Variants in TMEM41B observed in about 807,000 individuals in gnomAD.
TMEM41B encodes protein stasimon.
A neutral mutation model predicts 31.9 loss-of-function variants in TMEM41B; 18 were observed. The observed-to-expected ratio is 0.56, with a 90% CI of 0.39 to 0.84. The LOEUF is 0.84. Ranked by LOEUF, TMEM41B falls within the 40% of genes least tolerant of loss-of-function variation. The probability of loss-of-function intolerance (pLI) is 0.00; values close to 1 mark genes in which losing one functional copy is unlikely to be tolerated. For synonymous variants in TMEM41B, 144 were observed against 124.3 expected, an observed-to-expected ratio of 1.16 and a Z score of -1.05; for missense variants, 322 against 348.0, an observed-to-expected ratio of 0.93 and a Z score of 0.59.
intron 3 of TMEM41B, 58 bp from the exon 4 acceptor site, chr11:9,288,593 T>C (rs1305787067): frequency 8.0e-7 from 1 of 1,255,692 alleles, no homozygotes; most frequent in Admixed American, 2.5e-5. Context: ...AAAAGACAAA[T>C]GTAACATTTC....
intron 1 of TMEM41B, among the ~76,000 whole-genome samples, chr11:9,302,168 G>A (rs1390037697): frequency 1.4e-5 from 1 of 70,296 alleles, no homozygotes; most frequent in Non-Finnish European, 3.4e-5. Flanking sequence ...CACGATGCCC[G>A]GCTAATTTTT....
chr11:9,291,132 A>T (rs964242372), intron 3 of TMEM41B, among the ~76,000 whole-genome samples: 3 of 152,024 alleles, frequency 2.0e-5, no homozygotes, highest in Non-Finnish European at 4.4e-5. Flanking sequence ...AATAAAAATA[A>T]AAATAAGGCT....
At chr11:9,287,622 AGTTAATTCAT>A in intron 5 of TMEM41B, 70 bp downstream of exon 5, 1 of 883,006 alleles carries the variant, frequency 1.1e-6, no homozygotes, top group Non-Finnish European at 1.7e-6. Context: ...TAATACATGT[AGTTAATTCAT>A]GTAGGGACTA....
intron 1 of TMEM41B, among the ~76,000 whole-genome samples, chr11:9,313,980 C>T (rs1386560475): frequency 6.6e-6 from 1 of 152,216 alleles, no homozygotes; most frequent in Non-Finnish European, 1.5e-5. Context: ...GTTTCTTCAT[C>T]TGTAAAAACA....
intron 1 of TMEM41B, among the ~76,000 whole-genome samples, chr11:9,304,233 T>C (rs1212514014): frequency 6.6e-6 from 1 of 152,172 alleles, no homozygotes; most frequent in Non-Finnish European, 1.5e-5. Flanking sequence ...AGGTCAAACA[T>C]GAAAAGGTCT....
At chr11:9,292,856 C>A (rs2133619805) in intron 3 of TMEM41B, among the ~76,000 whole-genome samples, 1 of 152,162 alleles carries the variant, frequency 6.6e-6, no homozygotes, top group East Asian at 2.0e-4. Context: ...ATAGTAGCTG[C>A]ATCATTTTGC....
rs555460302 is a variant in TMEM41B, at chr11:9,306,420, C to T, written c.122-6719G>A. 1.5e-3 allele frequency among the ~76,000 whole-genome samples: 221 copies of T among 152,212 alleles called. 5 individuals carry two copies. In the Middle Eastern group the frequency reaches 0.017, roughly 12 times the overall value. On this transcript the variant is annotated intron_variant, in intron 1 of 6. Transcript: ENST00000528080. ...AGAATTCGCCGGGCATGGCGGCTCACGCCTGTAATCCCAGCACTTTGGGAG... is the reference window on the plus strand; with the variant it reads ...AGAATTCGCCGGGCATGGCGGCTCATGCCTGTAATCCCAGCACTTTGGGAG...
At chr11:9,296,603 C>CAAAAAAAAAAAA in intron 2 of TMEM41B, among the ~76,000 whole-genome samples, 1 of 118,902 alleles carries the variant, frequency 8.4e-6, no homozygotes, top group Non-Finnish European at 1.7e-5. Context: ...GACTCCGTCT[C>CAAAAAAAAAAAA]AAAAAAAAAA....
At chr11:9,311,538 T>C in intron 1 of TMEM41B, 1 of 1,299,364 alleles carries the variant, frequency 7.7e-7, no homozygotes, top group Non-Finnish European at 1.1e-6. Flanking sequence ...GAAAGCTGAA[T>C]TGCCTTGCGG....
chr11:9,285,485 G>A (rs1298008218), intron 6 of TMEM41B, among the ~76,000 whole-genome samples: 1 of 152,112 alleles, frequency 6.6e-6, no homozygotes, highest in Non-Finnish European at 1.5e-5. Flanking sequence ...TATTCAATAT[G>A]TAAGAAATCT....
At chr11:9,290,961 C>T (rs1362284960) in intron 3 of TMEM41B, among the ~76,000 whole-genome samples, 1 of 151,936 alleles carries the variant, frequency 6.6e-6, no homozygotes, top group East Asian at 1.9e-4. Flanking sequence ...AATAAAAATA[C>T]AAAAATTGGC....
At chr11:9,302,994 A>G (rs1853292942) in intron 1 of TMEM41B, among the ~76,000 whole-genome samples, 1 of 99,610 alleles carries the variant, frequency 1.0e-5, no homozygotes, top group South Asian at 3.1e-4. Flanking sequence ...GGAACCAAAT[A>G]ATGTGAAGTG....
At chr11:9,284,592 A>G (rs528049539) in intron 6 of TMEM41B, among the ~76,000 whole-genome samples, 13 of 152,142 alleles carry the variant, frequency 8.5e-5, no homozygotes, top group African/African-American at 2.2e-4. Flanking sequence ...ATGAAGCTCC[A>G]TCTCTACTAA....
intron 1 of TMEM41B, among the ~76,000 whole-genome samples, chr11:9,312,619 T>C (rs889262669): frequency 2.0e-5 from 3 of 152,156 alleles, no homozygotes; most frequent in Admixed American, 6.5e-5. Context: ...ATAAGAATAA[T>C]TGTAGGCCAG....
chr11:9,309,932 A>C (rs1375272781), intron 1 of TMEM41B, among the ~76,000 whole-genome samples: 2 of 151,552 alleles, frequency 1.3e-5, no homozygotes, highest in Non-Finnish European at 2.9e-5. Flanking sequence ...CAAAAAAAAA[A>C]ACAAAAGAAC....
chr11:9,306,627 A>G (rs1853404326), intron 1 of TMEM41B, among the ~76,000 whole-genome samples: 1 of 152,002 alleles, frequency 6.6e-6, no homozygotes, highest in Non-Finnish European at 1.5e-5. Flanking sequence ...CGGAGCTTGC[A>G]GTGAGCTGAG....
chr11:9,289,211 A>G (rs1426581583), intron 3 of TMEM41B, among the ~76,000 whole-genome samples: 1 of 152,076 alleles, frequency 6.6e-6, no homozygotes, highest in African/African-American at 2.4e-5. Flanking sequence ...TGCCCAGGCT[A>G]GTCTTGAACT....
At position 9,314,524 on chromosome 11, in the gene TMEM41B, A is replaced by T. The variant is rs4325312; in HGVS notation, c.-83T>A. The T allele has an allele frequency of 6.9e-7, 1 of 1,457,094 alleles. No homozygotes were observed. 90.3% of individuals were successfully genotyped at this position (1,457,094 alleles called of 1,614,324 possible). A position where few individuals can be genotyped will look rare whatever the true frequency, so the allele number is the denominator to read the frequency against. Reference sequence around the variant, plus strand: ...TGTTGCAGGCTCCTTACTACGCCGAAGCGCCACGGCTAGAGCCACTTCCGG... The same window carrying T: ...TGTTGCAGGCTCCTTACTACGCCGATGCGCCACGGCTAGAGCCACTTCCGG... On this transcript the variant is annotated 5_prime_UTR_variant, in exon 1 of 7. Coordinates refer to ENST00000528080, the MANE Select transcript of TMEM41B (RefSeq NM_015012.4).
rs562461026 is a variant in TMEM41B, at chr11:9,282,736, A to T, written c.*688T>A. On this transcript the variant is annotated 3_prime_UTR_variant, in exon 7 of 7. Transcript: ENST00000528080. ...ATCACGAGGTCAGGAGATCGAGACC[A>T]TCCTGGCTAACACGGTGAAACCCCG... The T allele has an allele frequency of 6.6e-6, 1 of 152,024 alleles. No individual in the cohort carries two copies. The highest frequency in any genetic ancestry group is 1.5e-5 in the Non-Finnish European group (1 of 68,016). The allele number at this position is 152,024 out of a possible 1,614,324, so 9.4% of individuals were successfully genotyped here. A position where few individuals can be genotyped will look rare whatever the true frequency, so the allele number is the denominator to read the frequency against.
Sources: gnomAD v4.1 joint callset for allele counts (sites outside exome capture counted in the v4.1 genomes callset) on GRCh38, gnomAD v4.1.1 for gene constraint, MANE v1.5 for transcripts, NCBI Gene and HGNC (gene_info 2026-07-23, HGNC 2026-07-21) for gene names.